Variants in ATG13 observed in about 807,000 individuals in gnomAD.
ATG13 encodes the protein autophagy related 13, also known as autophagy-related protein 13.
Under a neutral mutation model 65.5 loss-of-function variants are expected in ATG13, and 23 were observed. That is an observed-to-expected ratio of 0.35 (90% confidence interval 0.25 to 0.50). The LOEUF (loss-of-function observed/expected upper bound fraction) is 0.50. ATG13 is among the 20% of genes least tolerant of loss of function. The probability of loss-of-function intolerance (pLI) is 0.98; values close to 1 mark genes in which losing one functional copy is unlikely to be tolerated. For synonymous variants in ATG13, 252 were observed against 245.2 expected (o/e 1.03, Z -0.26); for missense variants, 566 against 677.0 (o/e 0.84, Z 1.82).
intron 2 of ATG13, among the ~76,000 whole-genome samples, chr11:46,636,287 G>A (rs1440313039): frequency 6.6e-5 from 10 of 152,126 alleles, no homozygotes; most frequent in African/African-American, 2.4e-4. Context: ...GCCAGGCGCA[G>A]TAGCTCACAC....
rs750047680 is a variant in ATG13, at chr11:46,657,082, T to A, written c.500-13T>A. On this transcript the variant is annotated splice_polypyrimidine_tract_variant and intron_variant, in intron 8 of 18. Transcript: ENST00000683050. The stretch of plus-strand genomic sequence containing the variant: ...CTCTGCAAAAGAAGCTAATAATGTA[T>A]CTCTTCTCCTAGGCTTCCAGACAGT... 1 of 1,603,358 alleles carries A rather than the reference T, an allele frequency of 6.2e-7. No individual in the cohort carries two copies. The highest frequency in any genetic ancestry group is 8.5e-7 in the Non-Finnish European group (1 of 1,170,358).
intron 8 of ATG13, chr11:46,656,482 A>T: frequency 2.3e-6 from 1 of 442,268 alleles, no homozygotes; most frequent in South Asian, 6.1e-5. Flanking sequence ...CCAGGAACTC[A>T]GTCTTCTTTC....
chr11:46,617,971 C>T (rs1264434688), intron 1 of ATG13, 81 bp downstream of exon 1: 3 of 398,874 alleles, frequency 7.5e-6, no homozygotes, highest in East Asian at 3.6e-5. Flanking sequence ...CCCTTGGCTG[C>T]TGCTTCGTGG....
chr11:46,618,873 A>G (rs779892144), intron 1 of ATG13, among the ~76,000 whole-genome samples: 8 of 152,156 alleles, frequency 5.3e-5, no homozygotes, highest in Non-Finnish European at 1.2e-4. Flanking sequence ...GCTGGAGTAC[A>G]GTGGCGCCTT....
At chr11:46,636,737 G>A (rs755096117) in intron 2 of ATG13, among the ~76,000 whole-genome samples, 7 of 151,878 alleles carry the variant, frequency 4.6e-5, no homozygotes, top group Non-Finnish European at 1.0e-4. Context: ...GATTACAGGT[G>A]TCAGCTGCCA....
At chr11:46,665,110 C>A (rs764179887) in intron 13 of ATG13, among the ~76,000 whole-genome samples, 151 bp downstream of exon 13, 1 of 152,172 alleles carries the variant, frequency 6.6e-6, no homozygotes, top group Non-Finnish European at 1.5e-5. Flanking sequence ...AAAAGTGACT[C>A]GAGAGGAAGG....
chr11:46,623,022 C>T (rs1049851250), intron 1 of ATG13, among the ~76,000 whole-genome samples: 2 of 152,082 alleles, frequency 1.3e-5, no homozygotes, highest in African/African-American at 4.8e-5. Flanking sequence ...GGGCCGGGTG[C>T]CGTGGCTCAT....
intron 1 of ATG13, among the ~76,000 whole-genome samples, chr11:46,619,884 C>G (rs138230299): frequency 0.017 from 2,610 of 151,388 alleles, 27 homozygotes; most frequent in Non-Finnish European, 0.028. Context: ...AAAAAGTTAG[C>G]TGGACGTAGT....
intron 15 of ATG13, 105 bp from the exon 16 acceptor site, chr11:46,668,394 T>C (rs1023634954): frequency 1.8e-6 from 2 of 1,137,632 alleles, no homozygotes; most frequent in Admixed American, 3.5e-5. Flanking sequence ...ATGGTCAGCA[T>C]AGCTGTGTGA....
intron 16 of ATG13, 31 bp from the exon 17 acceptor site, chr11:46,668,763 T>G (rs2063005023): frequency 1.3e-6 from 2 of 1,564,062 alleles, no homozygotes; most frequent in East Asian, 4.5e-5. Flanking sequence ...GGTCACAGCA[T>G]CAGCCCTAAT....
At chr11:46,641,374 A>G (rs2055952029) in intron 2 of ATG13, among the ~76,000 whole-genome samples, 1 of 152,188 alleles carries the variant, frequency 6.6e-6, no homozygotes, top group African/African-American at 2.4e-5. Flanking sequence ...CCGGCCTAGA[A>G]TTTATTTTTA....
Position 46,669,472 on chromosome 11 carries a change from C to G in ATG13, c.1515C>G (p.Asn505Lys). The change falls in exon 18 of 19, where the codon AAC becomes AAG. Residue 505 changes from asparagine (N) to lysine (K), a missense_variant. This residue lies in a region of ATG13 where 387 missense variants were observed against 409.8 expected (regional missense o/e 0.94). Coordinates refer to ENST00000683050, the MANE Select transcript of ATG13 (RefSeq NM_001346311.2). ...DLGTFYREFQ[N>K]PPQLSSLSID... ...GGACCTTCTATCGGGAGTTTCAGAA[C>G]CCACCTCAGCTGAGCAGCCTCTCCA... The G allele has an allele frequency of 6.2e-7, 1 of 1,614,120 alleles. No homozygotes were observed. The highest frequency in any genetic ancestry group is 1.3e-5 in the African/African-American group (1 of 75,044).
At chr11:46,659,192 A>G in intron 10 of ATG13, 200 bp from the exon 11 acceptor site, 2 of 529,402 alleles carry the variant, frequency 3.8e-6, no homozygotes, top group Admixed American at 3.3e-5. Context: ...AGAAACAAGA[A>G]CAAAACATTG....
At chr11:46,624,386 C>T (rs1008276405) in intron 1 of ATG13, among the ~76,000 whole-genome samples, 1 of 152,088 alleles carries the variant, frequency 6.6e-6, no homozygotes, top group Admixed American at 6.6e-5. Flanking sequence ...TCAGTACTGT[C>T]CTTCACAGAA....
At chr11:46,667,746 A>G (rs762725418) in intron 14 of ATG13, 27 bp from the exon 15 acceptor site, 3 of 1,546,652 alleles carry the variant, frequency 1.9e-6, no homozygotes, top group East Asian at 2.3e-5. Context: ...TTTGAGAACG[A>G]GTACTAACTT....
chr11:46,664,070 T>C lies in ATG13; in HGVS notation c.863T>C (p.Met288Thr). The C allele has an allele frequency of 1.9e-6, 3 of 1,596,898 alleles. No homozygotes were observed. The highest frequency in any genetic ancestry group is 2.5e-6 in the Non-Finnish European group (3 of 1,179,208). The change falls in exon 12 of 19, where the codon ATG becomes ACG. Residue 288 changes from methionine (M) to threonine (T), a missense_variant. Met to Thr is a moderately conservative substitution (Grantham distance 81). Around this residue, in one of 2 missense-constraint regions of ATG13, gnomAD observed 387 missense variants for 409.8 expected, o/e 0.94. Transcript: ENST00000683050. ...GTGACGGACACCCTGAGGGTCCCCA[T>C]GGCAGGACTGGCCTTTTCCCATCAA... The part of the protein sequence containing the change: ...PVVTDTLRVP[M>T]AGLAFSHQLS...
At position 46,664,948 on chromosome 11, in the gene ATG13, C is replaced by T; in HGVS notation, c.988C>T (p.His330Tyr). Residue 330 changes from histidine (H) to tyrosine (Y), a missense_variant, in exon 13 of 19, where the codon CAC becomes TAC. By Grantham distance (83) the His-to-Tyr change is moderately conservative. Around this residue, in one of 2 missense-constraint regions of ATG13, gnomAD observed 387 missense variants for 409.8 expected, o/e 0.94. Coordinates refer to ENST00000683050, the MANE Select transcript of ATG13 (RefSeq NM_001346311.2). The part of the protein sequence containing the change: ...VVFAAGLNAT[H>Y]PHQLMVPGKE... ...GTTTGCTGCTGGCTTAAATGCTACACACCCTCACCAGGTATCTTTAAAGAT... is the reference window on the plus strand; with the variant it reads ...GTTTGCTGCTGGCTTAAATGCTACATACCCTCACCAGGTATCTTTAAAGAT... The T allele has an allele frequency of 1.2e-6, 2 of 1,613,500 alleles. No individual in the cohort carries two copies. Among genetic ancestry groups the T allele is most frequent in the Non-Finnish European group, 1.7e-6 (2 of 1,179,398 alleles).
intron 2 of ATG13, among the ~76,000 whole-genome samples, chr11:46,631,349 TG>T: frequency 6.6e-6 from 1 of 152,312 alleles, no homozygotes; most frequent in East Asian, 1.9e-4. Flanking sequence ...ACCACCAAGC[TG>T]GCCTATTTCT....
intron 2 of ATG13, among the ~76,000 whole-genome samples, chr11:46,639,643 G>T (rs150536295): frequency 2.0e-5 from 3 of 152,106 alleles, no homozygotes; most frequent in African/African-American, 7.2e-5. Context: ...CCTCAAATCC[G>T]CCTCCCAGGG....
Sources: gnomAD v4.1 joint callset for allele counts (sites outside exome capture counted in the v4.1 genomes callset) on GRCh38, gnomAD v4.1.1 for gene constraint, gnomAD v4.1.1 regional missense constraint, MANE v1.5 for transcripts, NCBI Gene and HGNC (gene_info 2026-07-23, HGNC 2026-07-21) for gene names.